The following ATP10B variants were observed in gnomAD, a reference collection of about 807,000 sequenced individuals.
ATP10B encodes the protein phospholipid-transporting ATPase VB.
A neutral mutation model predicts 141.2 loss-of-function variants in ATP10B; 122 were observed. That is an observed-to-expected ratio of 0.86 (90% CI 0.75 to 1.00). ATP10B has a LOEUF of 1.00. Ranked by LOEUF, ATP10B falls within the 50% of genes least tolerant of loss-of-function variation. The pLI is 0.00. For synonymous variants in ATP10B, 685 were observed against 692.0 expected (o/e 0.99, Z 0.16); for missense variants, 1,876 against 1,825.3 (o/e 1.03, Z -0.51).
the ATP10B span, among the ~76,000 whole-genome samples, chr5:160,899,801 C>T: frequency 6.6e-6 from 1 of 152,142 alleles, no homozygotes; most frequent in African/African-American, 2.4e-5. Flanking sequence ...ATCTAAGCTC[C>T]TGTCAGTGGA....
chr5:160,870,353 T>C, the ATP10B span, among the ~76,000 whole-genome samples: 1 of 151,746 alleles, frequency 6.6e-6, no homozygotes, highest in Non-Finnish European at 1.5e-5. Flanking sequence ...TCAGCTATAA[T>C]GGATATGATG....
At chr5:160,920,487 C>T in the ATP10B span, among the ~76,000 whole-genome samples, 11 of 152,278 alleles carry the variant, frequency 7.2e-5, no homozygotes, top group South Asian at 6.2e-4. Flanking sequence ...TTCTGGGCAG[C>T]GCTCTCAAGC....
rs1199039020 is a variant in ATP10B, at chr5:160,812,012, GACAGAGAC to G, written c.-575-26217_-575-26210del. Among the ~76,000 whole-genome samples the G allele has an allele frequency of 9.3e-3, 775 of 83,310 alleles. 9 individuals are homozygous for G. The highest frequency in any genetic ancestry group is 0.026 in the African/African-American group (732 of 27,706). 54.7% of individuals were successfully genotyped at this position (83,310 alleles called of 152,430 possible). On this transcript the variant is annotated intron_variant, in intron 1 of 25. Transcript: ENST00000327245. ...CTCTGAACAGAGAGACAGAGACAGA[GACAGAGAC>G]AGAGAGAGAGAGAGAGAGAGAGAGA...
intron 2 of ATP10B, among the ~76,000 whole-genome samples, chr5:160,739,965 T>C (rs539512534): frequency 2.0e-5 from 3 of 152,198 alleles, no homozygotes; most frequent in Non-Finnish European, 4.4e-5. Context: ...GCACAGGCCA[T>C]TGTGCCCAAC....
intron 2 of ATP10B, among the ~76,000 whole-genome samples, chr5:160,778,490 C>T (rs1337498582): frequency 1.3e-5 from 2 of 152,170 alleles, no homozygotes; most frequent in Admixed American, 1.3e-4. Flanking sequence ...AGTTTTCCCC[C>T]TCTTTTTTAA....
chr5:160,841,458 GAAGA>G (rs1490582135), intron 1 of ATP10B, among the ~76,000 whole-genome samples: 1 of 152,162 alleles, frequency 6.6e-6, no homozygotes, highest in Non-Finnish European at 1.5e-5. Context: ...GAATGAAGCA[GAAGA>G]AATACAGGAG....
intron 1 of ATP10B, among the ~76,000 whole-genome samples, chr5:160,827,950 T>A (rs772789522): frequency 6.6e-6 from 1 of 152,134 alleles, no homozygotes; most frequent in Non-Finnish European, 1.5e-5. Context: ...TTGATCTATA[T>A]CTCTGTTTTG....
At chr5:160,861,989 C>T in the ATP10B span, among the ~76,000 whole-genome samples, 4 of 152,046 alleles carry the variant, frequency 2.6e-5, no homozygotes, top group East Asian at 7.8e-4. Flanking sequence ...AATAGGTTCT[C>T]ATATCTGCTT....
chr5:160,612,837 C>G lies in ATP10B; in HGVS notation c.2742G>C (p.Leu914=). 1 of 1,614,130 alleles carries G rather than the reference C, an allele frequency of 6.2e-7. No homozygotes were observed. Among genetic ancestry groups the G allele is most frequent in the Non-Finnish European group, 8.5e-7 (1 of 1,180,008 alleles). ...CCGCTGTCTCCTGCTTATCTCCAGT[C>G]AGGACCCAGAGCTGGATCCCAGCCT... is the stretch of plus-strand genomic sequence containing the variant. ...LREAGIQLWV[L]TGDKQETAVN... Residue 914 remains leucine, a synonymous_variant, in exon 18 of 26, where the codon CTG becomes CTC. Transcript: ENST00000327245.
intron 24 of ATP10B, among the ~76,000 whole-genome samples, chr5:160,583,392 C>T (rs1349901757): frequency 1.3e-5 from 2 of 152,174 alleles, no homozygotes; most frequent in Admixed American, 1.3e-4. Flanking sequence ...TGGATATCAC[C>T]AGCAGAGGCT....
At position 160,617,851 on chromosome 5, in the gene ATP10B, G is replaced by A. The variant is rs747939866; in HGVS notation, c.2526+13C>T. 1 of 1,604,818 alleles carries A rather than the reference G, an allele frequency of 6.2e-7. No homozygotes were observed. The highest frequency in any genetic ancestry group is 1.1e-5 in the South Asian group (1 of 90,874). On this transcript the variant is annotated intron_variant, in intron 16 of 25. Transcript: ENST00000327245. ...AATGATATTCAAAGCACGCTTGGAG[G>A]AATTGTTCTTACCTTCTTGGCAATG...
intron 17 of ATP10B, 55 bp downstream of exon 17, chr5:160,615,783 C>T (rs1403484011): frequency 1.3e-6 from 2 of 1,590,038 alleles, no homozygotes; most frequent in African/African-American, 1.3e-5. Flanking sequence ...CAAGAGCTCC[C>T]TTCTCAACTG....
At chr5:160,910,196 A>C in the ATP10B span, among the ~76,000 whole-genome samples, 1 of 151,678 alleles carries the variant, frequency 6.6e-6, no homozygotes, top group African/African-American at 2.4e-5. Flanking sequence ...TTATTTCCTG[A>C]GTTGCTCCCC....
chr5:160,817,969 C>T (rs1039835985), intron 1 of ATP10B, among the ~76,000 whole-genome samples: 16 of 152,120 alleles, frequency 1.1e-4, no homozygotes, highest in Admixed American at 3.9e-4. Context: ...AAACTGGATC[C>T]CTTCCTTACA....
chr5:160,647,075 C>T (rs547168135), intron 8 of ATP10B, among the ~76,000 whole-genome samples: 4 of 152,312 alleles, frequency 2.6e-5, no homozygotes, highest in Non-Finnish European at 5.9e-5. Context: ...GTGATTGTCC[C>T]TGGTTGAGAA....
chr5:160,807,823 T>C lies in ATP10B; in HGVS notation c.-575-22020A>G, dbSNP rs77077221. 3.0e-3 allele frequency among the ~76,000 whole-genome samples: 451 copies of C among 152,304 alleles called. 1 individual carries two copies. The highest frequency in any genetic ancestry group is 5.0e-3 in the Non-Finnish European group (340 of 68,020). On this transcript the variant is annotated intron_variant, in intron 1 of 25. Transcript: ENST00000327245. ...ATGCAGCGATAGCAGAGAAATCTCT[T>C]TATGCTTCTAAGTTTCTAGAACTGA...
At chr5:160,664,901 C>T (rs112108400) in intron 7 of ATP10B, among the ~76,000 whole-genome samples, 2,653 of 152,280 alleles carry the variant, frequency 0.017, 46 homozygotes, top group Middle Eastern at 0.037. Flanking sequence ...ATACTCCTTT[C>T]CAGGTGTTAA....
At chr5:160,591,281 T>G (rs1373893809) in intron 22 of ATP10B, 142 bp from the exon 23 acceptor site, 1 of 637,122 alleles carries the variant, frequency 1.6e-6, no homozygotes, top group African/African-American at 1.8e-5. Flanking sequence ...ATGGAGTAAT[T>G]AGGAGTGTAG....
chr5:160,659,534 G>A (rs1761763295), intron 7 of ATP10B, among the ~76,000 whole-genome samples: 1 of 151,994 alleles, frequency 6.6e-6, no homozygotes, highest in Admixed American at 6.6e-5. Flanking sequence ...AAACCTAGCA[G>A]AGTTTCCTCG....
Sources: allele counts gnomAD v4.1 joint callset (sites outside exome capture counted in the v4.1 genomes callset), GRCh38; gene constraint gnomAD v4.1.1; transcripts MANE v1.5; gene names NCBI Gene and HGNC (gene_info 2026-07-23, HGNC 2026-07-21).